Variants in ZNF805 observed in about 807,000 individuals in gnomAD.
ZNF805 encodes zinc finger protein 805, also known as CTC-444N24.8.
Under a neutral mutation model 13.6 loss-of-function variants are expected in ZNF805, and 7 were observed. The ratio of observed to expected loss-of-function variants is 0.51; its 90% CI spans 0.29 to 0.97. ZNF805 has a LOEUF of 0.97. Ranked by LOEUF, ZNF805 falls within the 50% of genes least tolerant of loss-of-function variation. The probability of loss-of-function intolerance (pLI) is 0.08; values close to 1 mark genes in which losing one functional copy is unlikely to be tolerated. For synonymous variants in ZNF805, 293 were observed against 279.8 expected, an observed-to-expected ratio of 1.05 and a Z score of -0.47; for missense variants, 604 against 771.0, an observed-to-expected ratio of 0.78 and a Z score of 2.57.
intron 1 of ZNF805, among the ~76,000 whole-genome samples, chr19:57,241,292 C>G (rs924069497): frequency 6.6e-6 from 1 of 151,976 alleles, no homozygotes; most frequent in Admixed American, 6.6e-5. Context: ...ACGGTAACTC[C>G]TGGAACAGTA....
intron 2 of ZNF805, among the ~76,000 whole-genome samples, chr19:57,245,693 G>C (rs2087612557): frequency 6.6e-6 from 1 of 151,482 alleles, no homozygotes. Context: ...GCAGGAGAAT[G>C]GCGTGAACCC....
In ZNF805 at chr19:57,245,474, T is replaced by G. The variant is rs114458066; in HGVS notation, c.157+1425T>G. 8.0e-3 allele frequency among the ~76,000 whole-genome samples: 1,219 copies of G among 152,200 alleles called. 16 individuals carry two copies. Among genetic ancestry groups the G allele is most frequent in the African/African-American group, 0.027 (1,136 of 41,522 alleles). On this transcript the variant is annotated intron_variant, in intron 2 of 3. Coordinates refer to ENST00000414468, the MANE Select transcript of ZNF805 (RefSeq NM_001023563.4). ...ACACTGGGCAATGTGTGGAGACATTTTGGTTGTTAAAACTAAGATGATGGG... is the reference window on the plus strand; with the variant it reads ...ACACTGGGCAATGTGTGGAGACATTGTGGTTGTTAAAACTAAGATGATGGG...
intron 2 of ZNF805, among the ~76,000 whole-genome samples, chr19:57,244,748 G>GT (rs1348037392): frequency 3.3e-5 from 5 of 152,150 alleles, no homozygotes; most frequent in Non-Finnish European, 7.4e-5. Flanking sequence ...ACTCTGTATG[G>GT]TTTTTTCTGC....
At chr19:57,251,856 T>C (rs1243138759) in intron 3 of ZNF805, among the ~76,000 whole-genome samples, 2 of 152,236 alleles carry the variant, frequency 1.3e-5, no homozygotes, top group African/African-American at 4.8e-5. Context: ...TCTAATTCCT[T>C]AGTAGTCTCT....
At chr19:57,252,708 CCTT>C (rs560260888) in intron 3 of ZNF805, among the ~76,000 whole-genome samples, 4 of 152,304 alleles carry the variant, frequency 2.6e-5, no homozygotes, top group South Asian at 2.1e-4. Context: ...AGAGACCTAA[CCTT>C]CTACTCACTG....
rs1366276800 is a variant in ZNF805, at chr19:57,259,667, C to T, written c.*4964C>T. 6.6e-6 allele frequency among the ~76,000 whole-genome samples: 1 copy of T among 152,006 alleles called. No homozygotes were observed. Among genetic ancestry groups the T allele is most frequent in the Non-Finnish European group, 1.5e-5 (1 of 68,018 alleles). On this transcript the variant is annotated 3_prime_UTR_variant, in exon 4 of 4. Transcript: ENST00000414468. Reference sequence around the variant, plus strand: ...GACTACAGGTGCCCGCCACCATGCCCGGCTAATTTTTTGTATTTTTAGTAG... The same window carrying T: ...GACTACAGGTGCCCGCCACCATGCCTGGCTAATTTTTTGTATTTTTAGTAG...
In ZNF805 at chr19:57,240,940, G is replaced by C; in HGVS notation, c.30+19G>C. 1.9e-6 allele frequency: 3 copies of C among 1,558,426 alleles called. No homozygotes were observed. Among genetic ancestry groups the C allele is most frequent in the Non-Finnish European group, 2.6e-6 (3 of 1,151,442 alleles). On this transcript the variant is annotated intron_variant, in intron 1 of 3. Coordinates refer to ENST00000414468, the MANE Select transcript of ZNF805 (RefSeq NM_001023563.4). ...GGCGCAGGTGAGTGGACAAGGTTTC[G>C]GCCTTGCTGCTTTTCTGCTAGTTCG...
chr19:57,240,789 G>A lies in ZNF805; in HGVS notation c.-103G>A. ...ACGAGAGAGTTTGACTGTCAGCCAA[G>A]GTCACCGGGCCCGGCGCAGGGAAGG... On this transcript the variant is annotated 5_prime_UTR_variant, in exon 1 of 4. Transcript: ENST00000414468. 3 of 1,163,234 alleles carry A rather than the reference G, an allele frequency of 2.6e-6. No homozygotes were observed. The highest frequency in any genetic ancestry group is 2.4e-6 in the Non-Finnish European group (2 of 835,256). The allele number at this position is 1,163,234 out of a possible 1,614,324, so 72.1% of individuals were successfully genotyped here.
At position 57,254,443 on chromosome 19, in the gene ZNF805, A is replaced by G. The variant is rs1196722170; in HGVS notation, c.1624A>G (p.Ser542Gly). 1.2e-6 allele frequency: 2 copies of G among 1,614,252 alleles called. No homozygotes were observed. Among genetic ancestry groups the G allele is most frequent in the East Asian group, 2.2e-5 (1 of 44,890 alleles). Residue 542 changes from serine (S) to glycine (G), a missense_variant, in exon 4 of 4, where the codon AGT becomes GGT. Coordinates refer to ENST00000414468, the MANE Select transcript of ZNF805 (RefSeq NM_001023563.4). ...CACTGGAGAGAAGCCGTATGAGTGC[A>G]GTGAATGTGGAAAGGCCTTCAGTCG... ...IHTGEKPYECSECGKAFSRSS... is the reference protein window; with the variant it reads ...IHTGEKPYECGECGKAFSRSS...
In ZNF805 at chr19:57,254,673, A is replaced by G; in HGVS notation, c.1854A>G (p.Gln618=). 6.2e-7 allele frequency: 1 copy of G among 1,613,206 alleles called. No homozygotes were observed. Among genetic ancestry groups the G allele is most frequent in the Non-Finnish European group, 8.5e-7 (1 of 1,179,616 alleles). The change falls in exon 4 of 4, where the codon CAA becomes CAG. Residue 618 remains glutamine, a synonymous_variant. Coordinates refer to ENST00000414468, the MANE Select transcript of ZNF805 (RefSeq NM_001023563.4). ...ASYMASDRTY[Q]RETPQVSSL is the part of the protein sequence containing the mutation. ...ACATGGCATCTGATCGTACATACCA[A>G]AGAGAAACCCCACAAGTGTCTTCAC...
rs2087717281 is a variant in ZNF805, at chr19:57,260,430, C to T, written c.*5727C>T. Among the ~76,000 whole-genome samples, 1 of 152,172 alleles carries T rather than the reference C, an allele frequency of 6.6e-6. No homozygotes were observed. The highest frequency in any genetic ancestry group is 1.5e-5 in the Non-Finnish European group (1 of 68,028). ...TTACTCCCCAGATACTACTAAATGG[C>T]TTCCACCACCGTTGCCTGACTTAAG... On this transcript the variant is annotated 3_prime_UTR_variant, in exon 4 of 4. Coordinates refer to ENST00000414468, the MANE Select transcript of ZNF805 (RefSeq NM_001023563.4).
At position 57,258,516 on chromosome 19, in the gene ZNF805, A is replaced by AT. The variant is rs1383040246; in HGVS notation, c.*3818dup. Among the ~76,000 whole-genome samples the AT allele has an allele frequency of 3.0e-5, 2 of 66,592 alleles. No homozygotes were observed. Among genetic ancestry groups the AT allele is most frequent in the Admixed American group, 3.0e-4 (2 of 6,696 alleles). 43.7% of individuals were successfully genotyped at this position (66,592 alleles called of 152,430 possible). ...GTGTTTTTTAAATATATTTCTTTGT[A>AT]TTTTTGTATTAATTTTTTAGTGGTT... On this transcript the variant is annotated 3_prime_UTR_variant, in exon 4 of 4. Coordinates refer to ENST00000414468, the MANE Select transcript of ZNF805 (RefSeq NM_001023563.4).
chr19:57,259,675 T>A lies in ZNF805; in HGVS notation c.*4972T>A, dbSNP rs974407164. ...GTGCCCGCCACCATGCCCGGCTAATTTTTTGTATTTTTAGTAGAGACGGGG... is the reference window on the plus strand; with the variant it reads ...GTGCCCGCCACCATGCCCGGCTAATATTTTGTATTTTTAGTAGAGACGGGG... On this transcript the variant is annotated 3_prime_UTR_variant, in exon 4 of 4. Transcript: ENST00000414468. 1.3e-5 allele frequency among the ~76,000 whole-genome samples: 2 copies of A among 151,972 alleles called. No individual in the cohort carries two copies. The highest frequency in any genetic ancestry group is 1.3e-4 in the Admixed American group (2 of 15,262).
rs190306409 is a variant in ZNF805 at position 57,258,398 on chromosome 19, T to G, written c.*3695T>G. ...CTATGTCTGCTATTTTATGATTAGT[T>G]TTTTGTGTTTCCTGTTGCTTCTTTC... On this transcript the variant is annotated 3_prime_UTR_variant, in exon 4 of 4. Transcript: ENST00000414468. Among the ~76,000 whole-genome samples the G allele has an allele frequency of 6.6e-6, 1 of 151,796 alleles. No homozygotes were observed. Among genetic ancestry groups the G allele is most frequent in the African/African-American group, 2.4e-5 (1 of 41,436 alleles).
chr19:57,248,681 C>T lies in ZNF805; in HGVS notation c.234C>T (p.Leu78=), dbSNP rs541827095. The T allele has an allele frequency of 3.8e-6, 6 of 1,596,874 alleles. No homozygotes were observed. Among genetic ancestry groups the T allele is most frequent in the Non-Finnish European group, 5.1e-6 (6 of 1,170,948 alleles). The stretch of plus-strand genomic sequence containing the variant: ...AGCCATGGACCAGGAAGGAAGACCT[C>T]TCCCAAGGCACCTGTCCAGGTAGGA... ...GQEPWTRKED[L]SQGTCPGDKG... Residue 78 remains leucine (L), a synonymous_variant, in exon 3 of 4, where the codon CTC becomes CTT. Coordinates refer to ENST00000414468, the MANE Select transcript of ZNF805 (RefSeq NM_001023563.4).
At chr19:57,243,229 C>T (rs1673374874) in intron 1 of ZNF805, among the ~76,000 whole-genome samples, 1 of 152,122 alleles carries the variant, frequency 6.6e-6, no homozygotes, top group South Asian at 2.1e-4. Flanking sequence ...AACAAACAAA[C>T]AGAAAACACA....
In ZNF805 at chr19:57,257,395, A is replaced by T. The variant is rs1416859860; in HGVS notation, c.*2692A>T. Reference sequence around the variant, plus strand: ...TGTGGAATTACCTATTCCTCCTTTAAGTTCTATCAGTTTTTGCTCCACATA... The same window carrying T: ...TGTGGAATTACCTATTCCTCCTTTATGTTCTATCAGTTTTTGCTCCACATA... On this transcript the variant is annotated 3_prime_UTR_variant, in exon 4 of 4. Coordinates refer to ENST00000414468, the MANE Select transcript of ZNF805 (RefSeq NM_001023563.4). Among the ~76,000 whole-genome samples the T allele has an allele frequency of 6.6e-6, 1 of 151,866 alleles. No individual in the cohort carries two copies. The highest frequency in any genetic ancestry group is 1.5e-5 in the Non-Finnish European group (1 of 67,940).
In ZNF805 at chr19:57,247,681, G is replaced by A. The variant is rs139912830; in HGVS notation, c.158-924G>A. On this transcript the variant is annotated intron_variant, in intron 2 of 3. Coordinates refer to ENST00000414468, the MANE Select transcript of ZNF805 (RefSeq NM_001023563.4). ...CGTCGTCCTCATCATGATTATTGTCGTTGGCATGCCTTGACCTGGCACTTT... is the reference window on the plus strand; with the variant it reads ...CGTCGTCCTCATCATGATTATTGTCATTGGCATGCCTTGACCTGGCACTTT... 4.4e-4 allele frequency among the ~76,000 whole-genome samples: 67 copies of A among 152,278 alleles called. No individual in the cohort carries two copies. The East Asian group carries it at 5.2e-3, about 12-fold the overall frequency.
chr19:57,253,700 A>T lies in ZNF805; in HGVS notation c.881A>T (p.Lys294Met), dbSNP rs2087666712. ...CCTTATAAGTGCAGTGAATGTGGAA[A>T]GGCCTTCACCCACCGCTCCACTTTT... ...EKPYKCSECG[K>M]AFTHRSTFVL... Residue 294 changes from lysine (K) to methionine (M), a missense_variant, in exon 4 of 4, where the codon AAG becomes ATG. Lys to Met is a moderately conservative substitution (Grantham distance 95). Transcript: ENST00000414468. The surrounding 1 kb of genome is among the most constrained non-coding windows in gnomAD (Gnocchi z 4.4). 6.2e-7 allele frequency: 1 copy of T among 1,613,844 alleles called. No individual in the cohort carries two copies. The highest frequency in any genetic ancestry group is 1.3e-5 in the African/African-American group (1 of 74,868).
Sources: gnomAD v4.1 joint callset for allele counts (sites outside exome capture counted in the v4.1 genomes callset) on GRCh38, gnomAD v4.1.1 for gene constraint, Gnocchi (gnomAD v3.1) non-coding constraint, MANE v1.5 for transcripts, NCBI Gene and HGNC (gene_info 2026-07-23, HGNC 2026-07-21) for gene names.